Variants in DGKI observed in about 807,000 individuals in gnomAD.
DGKI encodes the protein diacylglycerol kinase iota.
Under a neutral mutation model 147.5 loss-of-function variants are expected in DGKI, and 55 were observed. The ratio of observed to expected loss-of-function variants is 0.37; its 90% CI spans 0.30 to 0.47. The LOEUF is 0.47. Ranked by LOEUF, DGKI falls within the 20% of genes least tolerant of loss-of-function variation. The pLI is 1.00. For synonymous variants in DGKI, 469 were observed against 477.1 expected (o/e 0.98, Z 0.22); for missense variants, 1,007 against 1,323.8 (o/e 0.76, Z 3.71).
chr7:137,658,596 C>G (rs138586208), intron 3 of DGKI, among the ~76,000 whole-genome samples: 243 of 152,310 alleles, frequency 1.6e-3, no homozygotes, highest in African/African-American at 5.7e-3. Context: ...TAGCTTCGTG[C>G]TTGACACTAC....
At chr7:137,557,109 T>C (rs956210735) in intron 19 of DGKI, among the ~76,000 whole-genome samples, 58 of 152,166 alleles carry the variant, frequency 3.8e-4, no homozygotes, top group African/African-American at 1.3e-3. Context: ...TTGGTGCAAA[T>C]TGGGACTTGC....
intron 2 of DGKI, among the ~76,000 whole-genome samples, chr7:137,684,576 G>A (rs1357164177): frequency 6.6e-6 from 1 of 151,984 alleles, no homozygotes; most frequent in African/African-American, 2.4e-5. Context: ...GATTTCCCTC[G>A]GCAGCCAGGG....
At chr7:137,522,050 G>C (rs1215089569) in intron 20 of DGKI, 84 bp from the exon 21 acceptor site, 2 of 913,178 alleles carry the variant, frequency 2.2e-6, no homozygotes, top group Non-Finnish European at 3.4e-6. Flanking sequence ...GGGCAATATT[G>C]TCTCTTCATG....
chr7:137,403,118 G>A (rs1044632061), intron 30 of DGKI, among the ~76,000 whole-genome samples: 1 of 152,086 alleles, frequency 6.6e-6, no homozygotes, highest in Non-Finnish European at 1.5e-5. Context: ...GTTGAAAGGA[G>A]CTGAAAAGCG....
At chr7:137,841,846 G>A (rs1365263719) in intron 1 of DGKI, among the ~76,000 whole-genome samples, 1 of 152,194 alleles carries the variant, frequency 6.6e-6, no homozygotes, top group African/African-American at 2.4e-5. Context: ...CAATGCTGTT[G>A]TTTGTTGCCA....
chr7:137,792,232 T>G (rs554561675), intron 1 of DGKI, among the ~76,000 whole-genome samples: 5 of 151,866 alleles, frequency 3.3e-5, no homozygotes, highest in Admixed American at 6.6e-5. Context: ...AGAAAGAGAA[T>G]GAGATAGAGA....
At chr7:137,629,650 TAC>T (rs1821061672) in intron 6 of DGKI, among the ~76,000 whole-genome samples, 1 of 152,216 alleles carries the variant, frequency 6.6e-6, no homozygotes. Context: ...TCTACTGACT[TAC>T]GGACTATATC....
At position 137,647,851 on chromosome 7, in the gene DGKI, G is replaced by A. The variant is rs556209720; in HGVS notation, c.739-2314C>T. 3.2e-4 allele frequency among the ~76,000 whole-genome samples: 49 copies of A among 152,314 alleles called. 1 individual carries two copies. In the South Asian group the frequency reaches 9.9e-3, roughly 31 times the overall value. On this transcript the variant is annotated intron_variant, in intron 5 of 32. Coordinates refer to ENST00000614521, the MANE Select transcript of DGKI (RefSeq NM_001321708.2). Reference sequence around the variant, plus strand: ...GCAGCATATCCCAATTCGCATTACAGTAGGGCACATTATCAGAGGGCTTGA... The same window carrying A: ...GCAGCATATCCCAATTCGCATTACAATAGGGCACATTATCAGAGGGCTTGA...
intron 21 of DGKI, 104 bp from the exon 22 acceptor site, chr7:137,487,793 G>A: frequency 3.0e-6 from 3 of 1,009,758 alleles, no homozygotes; most frequent in Non-Finnish European, 4.5e-6. Flanking sequence ...TAAATATTAT[G>A]GGTTTTTTAG....
At chr7:137,638,617 C>CATATAT (rs1563125886) in intron 6 of DGKI, among the ~76,000 whole-genome samples, 1 of 5,606 alleles carries the variant, frequency 1.8e-4, no homozygotes, top group Admixed American at 3.7e-3. Context: ...TATATACACA[C>CATATAT]ACACATATAT....
intron 1 of DGKI, among the ~76,000 whole-genome samples, chr7:137,800,682 A>G (rs1797177725): frequency 6.6e-6 from 1 of 152,212 alleles, no homozygotes; most frequent in Non-Finnish European, 1.5e-5. Flanking sequence ...TTTAATGTTC[A>G]TGTTTAACAG....
At chr7:137,538,671 C>T (rs1030866193) in intron 20 of DGKI, among the ~76,000 whole-genome samples, 12 of 152,068 alleles carry the variant, frequency 7.9e-5, no homozygotes, top group African/African-American at 1.7e-4. Context: ...AAATGCAGTC[C>T]GATAGTTCTC....
In DGKI at chr7:137,846,121, T is replaced by TCC. The variant is rs1164971645; in HGVS notation, c.401+340_401+341insGG. Among the ~76,000 whole-genome samples the TCC allele has an allele frequency of 7.2e-6, 1 of 138,000 alleles. No individual in the cohort carries two copies. Among genetic ancestry groups the TCC allele is most frequent in the East Asian group, 2.2e-4 (1 of 4,572 alleles). The allele number at this position is 138,000 out of a possible 152,430, so 90.5% of individuals were successfully genotyped here. A position where few individuals can be genotyped will look rare whatever the true frequency, so the allele number is the denominator to read the frequency against. ...AAGCATCACTGAGTCTGCAACCCTTTCTCTCTCTCTCTTTCTCTCTCTCTC... is the reference window on the plus strand; with the variant it reads ...AAGCATCACTGAGTCTGCAACCCTTTCCCTCTCTCTCTCTTTCTCTCTCTCTC... On this transcript the variant is annotated intron_variant, in intron 1 of 32. Coordinates refer to ENST00000614521, the MANE Select transcript of DGKI (RefSeq NM_001321708.2). The surrounding 1 kb of genome is among the most constrained non-coding windows in gnomAD (Gnocchi z 4.0).
intron 19 of DGKI, among the ~76,000 whole-genome samples, chr7:137,563,023 T>C (rs148090754): frequency 6.6e-6 from 1 of 152,218 alleles, no homozygotes; most frequent in African/African-American, 2.4e-5. Flanking sequence ...AACAAAATAT[T>C]AGTAAACTGT....
intron 1 of DGKI, among the ~76,000 whole-genome samples, chr7:137,832,033 T>C (rs1366100728): frequency 6.6e-6 from 1 of 152,240 alleles, no homozygotes; most frequent in African/African-American, 2.4e-5. Flanking sequence ...GTCGTGCTGA[T>C]ACAAGAGATG....
intron 1 of DGKI, among the ~76,000 whole-genome samples, chr7:137,802,368 T>A (rs1387360785): frequency 2.0e-5 from 3 of 152,164 alleles, no homozygotes; most frequent in Non-Finnish European, 4.4e-5. Context: ...AACCACCTGT[T>A]CCCCAAAAAC....
intron 1 of DGKI, among the ~76,000 whole-genome samples, chr7:137,746,577 T>C (rs933812614): frequency 6.6e-6 from 1 of 152,176 alleles, no homozygotes; most frequent in East Asian, 1.9e-4. Flanking sequence ...TGTTTGTTTG[T>C]TTGTTTTTTA....
At chr7:137,557,105 C>A (rs868232523) in intron 19 of DGKI, among the ~76,000 whole-genome samples, 2 of 152,270 alleles carry the variant, frequency 1.3e-5, no homozygotes, top group Middle Eastern at 3.4e-3. Flanking sequence ...CAAATTGGTG[C>A]AAATTGGGAC....
chr7:137,586,913 GA>G (rs1314521317), intron 13 of DGKI, among the ~76,000 whole-genome samples, 183 bp downstream of exon 13: 3 of 152,152 alleles, frequency 2.0e-5, no homozygotes, highest in Non-Finnish European at 4.4e-5. Context: ...CCTTCTAGCT[GA>G]TTTTAAGTTT....
Sources: gnomAD v4.1 joint callset for allele counts (sites outside exome capture counted in the v4.1 genomes callset) on GRCh38, gnomAD v4.1.1 for gene constraint, Gnocchi (gnomAD v3.1) non-coding constraint, MANE v1.5 for transcripts, NCBI Gene and HGNC (gene_info 2026-07-23, HGNC 2026-07-21) for gene names.